CSN1S1: variants seen among roughly 807,000 people sequenced by gnomAD.
CSN1S1 encodes the protein alpha-S1-casein.
A neutral mutation model predicts 49.1 loss-of-function variants in CSN1S1; 63 were observed. The ratio of observed to expected loss-of-function variants is 1.28; its 90% CI spans 1.05 to 1.58. The LOEUF (loss-of-function observed/expected upper bound fraction) is 1.58, where lower values mean the gene tolerates loss of function less well. CSN1S1 is among the 40% of genes most tolerant of loss of function. The pLI is 0.00. For missense variants in CSN1S1, 260 were observed against 224.7 expected (o/e 1.16, Z -1.01); for synonymous variants, 78 against 67.1 (o/e 1.16, Z -0.79).
intron 10 of CSN1S1, 125 bp from the exon 11 acceptor site, chr4:69,939,896 G>C (rs906730916): frequency 1.7e-6 from 1 of 580,388 alleles, no homozygotes; most frequent in Non-Finnish European, 3.0e-6. Flanking sequence ...CAGTTTTTTG[G>C]GAATTTATCA....
rs372882247 is a variant in CSN1S1, at chr4:69,934,693, C to T, written c.88C>T (p.Pro30Ser). Reference protein sequence around the residue: ...PLRYPERLQNPSESSEPIPLE... With the variant: ...PLRYPERLQNSSESSEPIPLE... ...TAAAAATTATTATTTTTTACAGAAT[C>T]CATCAGAGAGCAGTGAGGTAAGCTC... is the stretch of plus-strand genomic sequence containing the variant. The change falls in exon 4 of 16, where the codon CCA becomes TCA. Residue 30 changes from proline to serine, a missense_variant. Transcript: ENST00000246891. The T allele has an allele frequency of 6.2e-6, 10 of 1,608,652 alleles. No homozygotes were observed. The highest frequency in any genetic ancestry group is 8.5e-6 in the Non-Finnish European group (10 of 1,175,984).
At chr4:69,935,170 GGTAA>G (rs1246444890) in intron 4 of CSN1S1, among the ~76,000 whole-genome samples, 4 of 151,866 alleles carry the variant, frequency 2.6e-5, no homozygotes, top group African/African-American at 2.4e-5. Context: ...GGCTTCTTCT[GGTAA>G]GTGTTATCCA....
intron 11 of CSN1S1, 67 bp downstream of exon 11, chr4:69,940,111 TCACACACACACACA>T (rs35000195): frequency 2.2e-5 from 9 of 405,274 alleles, no homozygotes; most frequent in South Asian, 4.9e-5. Flanking sequence ...GCACTTACTT[TCACACACACACACA>T]CACACACACA....
At chr4:69,939,366 G>C (rs1395568714) in intron 10 of CSN1S1, among the ~76,000 whole-genome samples, 158 bp downstream of exon 10, 1 of 151,720 alleles carries the variant, frequency 6.6e-6, no homozygotes, top group African/African-American at 2.4e-5. Context: ...TCCAAAAGAA[G>C]TAAGAAAGCA....
At position 69,934,707 on chromosome 4, in the gene CSN1S1, T is replaced by C. The variant is rs1463246705; in HGVS notation, c.102T>C (p.Ser34=). 6.2e-7 allele frequency: 1 copy of C among 1,608,940 alleles called. No homozygotes were observed. ...TTTTACAGAATCCATCAGAGAGCAG[T>C]GAGGTAAGCTCTGTTTATGGGGAGT... ...PERLQNPSES[S]EPIPLESREE... Residue 34 remains serine, a synonymous_variant, in exon 4 of 16, where the codon AGT becomes AGC. Coordinates refer to ENST00000246891, the MANE Select transcript of CSN1S1 (RefSeq NM_001890.2).
At chr4:69,934,376 G>T in intron 3 of CSN1S1, 132 bp downstream of exon 3, 1 of 843,992 alleles carries the variant, frequency 1.2e-6, no homozygotes, top group Non-Finnish European at 1.9e-6. Context: ...TTCAAGCACT[G>T]TCAGATGGTA....
At chr4:69,931,394 G>A (rs1448257475) in intron 1 of CSN1S1, among the ~76,000 whole-genome samples, 1 of 151,872 alleles carries the variant, frequency 6.6e-6, no homozygotes, top group Non-Finnish European at 1.5e-5. Flanking sequence ...TTCAGTAGAG[G>A]CTTGGGGTAA....
In CSN1S1 at chr4:69,944,987, C is replaced by A; in HGVS notation, c.540C>A (p.Asn180Lys). 6.2e-7 allele frequency: 1 copy of A among 1,612,538 alleles called. No individual in the cohort carries two copies. The highest frequency in any genetic ancestry group is 2.2e-5 in the East Asian group (1 of 44,822). The change falls in exon 15 of 16, where the codon AAC (asparagine) becomes AAA (lysine). Residue 180 changes from asparagine to lysine, a missense_variant. Coordinates refer to ENST00000246891, the MANE Select transcript of CSN1S1 (RefSeq NM_001890.2). Reference sequence around the variant, plus strand: ...CTCATGAAAATTATGAAAAAAATAACGTCATGCTACAGTGGTGGTAAGTTC... The same window carrying A: ...CTCATGAAAATTATGAAAAAAATAAAGTCATGCTACAGTGGTGGTAAGTTC... ...PTAHENYEKN[N>K]VMLQW
chr4:69,940,019 A>T lies in CSN1S1; in HGVS notation c.277-2A>T, dbSNP rs764303401. The T allele has an allele frequency of 6.0e-5, 84 of 1,393,976 alleles. No homozygotes were observed. The highest frequency in any genetic ancestry group is 7.8e-5 in the Non-Finnish European group (80 of 1,031,818). 86.4% of individuals were successfully genotyped at this position (1,393,976 alleles called of 1,614,324 possible). ...ACTATGCATGTTTTAATTTTTTTAA[A>T]GGAAATGTCTCTCAGTAAGTGTGCG... On this transcript the variant is annotated splice_acceptor_variant, in intron 10 of 15. Transcript: ENST00000246891. LOFTEE classifies it high-confidence loss of function.
intron 9 of CSN1S1, 121 bp downstream of exon 9, chr4:69,937,944 A>T: frequency 1.7e-6 from 1 of 580,278 alleles, no homozygotes; most frequent in South Asian, 4.2e-5. Context: ...GAATTTTAAA[A>T]TGTTAACATT....
chr4:69,936,068 G>T, intron 5 of CSN1S1, 119 bp downstream of exon 5: 1 of 772,680 alleles, frequency 1.3e-6, no homozygotes, highest in South Asian at 1.7e-5. Flanking sequence ...AATTTGAGTG[G>T]AACAAACTTA....
At chr4:69,944,471 A>G (rs185246700) in intron 14 of CSN1S1, among the ~76,000 whole-genome samples, 2 of 152,090 alleles carry the variant, frequency 1.3e-5, no homozygotes, top group East Asian at 3.9e-4. Context: ...GCTTTAAGGA[A>G]AATTATATAT....
chr4:69,944,782 A>T, intron 14 of CSN1S1, 68 bp from the exon 15 acceptor site: 1 of 1,485,776 alleles, frequency 6.7e-7, no homozygotes, highest in Non-Finnish European at 9.3e-7. Context: ...AGATGTATTG[A>T]TATTTTTCAG....
At chr4:69,941,466 T>C (rs1722965218) in intron 12 of CSN1S1, among the ~76,000 whole-genome samples, 1 of 151,920 alleles carries the variant, frequency 6.6e-6, no homozygotes, top group South Asian at 2.1e-4. Flanking sequence ...ACAGGAATGC[T>C]AAACATCAGA....
At chr4:69,945,632 A>G (rs1723136719) in intron 15 of CSN1S1, among the ~76,000 whole-genome samples, 1 of 151,930 alleles carries the variant, frequency 6.6e-6, no homozygotes, top group Non-Finnish European at 1.5e-5. Context: ...AATTTTCATT[A>G]TTTCGGAAGA....
intron 1 of CSN1S1, 72 bp from the exon 2 acceptor site, chr4:69,932,472 T>A (rs1722637002): frequency 2.2e-6 from 3 of 1,356,380 alleles, no homozygotes; most frequent in Admixed American, 4.0e-5. Flanking sequence ...TGTTGAAAAA[T>A]CAAGAATTTT....
At chr4:69,939,529 C>CTAA (rs1722908162) in intron 10 of CSN1S1, among the ~76,000 whole-genome samples, 1 of 151,704 alleles carries the variant, frequency 6.6e-6, no homozygotes, top group Admixed American at 6.6e-5. Flanking sequence ...CTAACAATTA[C>CTAA]CATGCTTATA....
intron 1 of CSN1S1, 24 bp downstream of exon 1, chr4:69,931,141 A>G (rs1188223495): frequency 6.6e-6 from 1 of 152,012 alleles, no homozygotes; most frequent in African/African-American, 2.4e-5. Flanking sequence ...ATACAGCAAA[A>G]TTGCTATCAT....
intron 1 of CSN1S1, 113 bp from the exon 2 acceptor site, chr4:69,932,431 A>G: frequency 2.4e-6 from 2 of 822,912 alleles, no homozygotes; most frequent in Non-Finnish European, 3.9e-6. Context: ...AGCTCCTCAA[A>G]TCAGCCTACT....
Sources: gnomAD v4.1 joint callset for allele counts (sites outside exome capture counted in the v4.1 genomes callset) on GRCh38, gnomAD v4.1.1 for gene constraint, MANE v1.5 for transcripts, NCBI Gene and HGNC (gene_info 2026-07-23, HGNC 2026-07-21) for gene names.